The following CACNA2D3 variants were observed in gnomAD, a reference collection of about 807,000 sequenced individuals.
CACNA2D3 encodes the protein calcium voltage-gated channel auxiliary subunit alpha2delta 3.
In CACNA2D3, 60 loss-of-function variants were observed where a neutral mutation model predicts 160.6. The ratio of observed to expected loss-of-function variants is 0.37; its 90% CI spans 0.30 to 0.46. The LOEUF (loss-of-function observed/expected upper bound fraction) is 0.46, where lower values mean the gene tolerates loss of function less well. Ranked by LOEUF, CACNA2D3 falls within the 20% of genes least tolerant of loss-of-function variation. The pLI, the probability that CACNA2D3 is intolerant of heterozygous loss-of-function variation, is 1.00. For missense variants in CACNA2D3, 1,205 were observed against 1,365.0 expected (o/e 0.88, Z 1.85); for synonymous variants, 558 against 492.9 (o/e 1.13, Z -1.75).
chr3:54,846,316 A>G, intron 16 of CACNA2D3, 77 bp from the exon 17 acceptor site: 1 of 875,056 alleles, frequency 1.1e-6, no homozygotes, highest in Non-Finnish European at 1.8e-6. Flanking sequence ...AAATTACTAA[A>G]TGCCGGGCTG....
Position 54,457,608 on chromosome 3 carries a change from AT to A in CACNA2D3, c.382-45882del, listed in dbSNP as rs1317864734. 5.3e-5 allele frequency among the ~76,000 whole-genome samples: 8 copies of A among 151,892 alleles called. No individual in the cohort carries two copies. In the South Asian group the frequency reaches 1.7e-3, roughly 32 times the overall value. On this transcript the variant is annotated intron_variant, in intron 4 of 37. Coordinates refer to ENST00000474759, the MANE Select transcript of CACNA2D3 (RefSeq NM_018398.3). ...ACACAGCTTATATTGGATTTTTTTT[AT>A]TGATTTTCTGTATAGATGATCTGTC...
chr3:54,368,497 G>T (rs1238198434), intron 3 of CACNA2D3, among the ~76,000 whole-genome samples: 1 of 152,032 alleles, frequency 6.6e-6, no homozygotes, highest in Non-Finnish European at 1.5e-5. Context: ...GAGCAGGAGA[G>T]TGAGCACGGA....
At chr3:54,708,104 G>A (rs76806714) in intron 11 of CACNA2D3, among the ~76,000 whole-genome samples, 1 of 152,266 alleles carries the variant, frequency 6.6e-6, no homozygotes, top group East Asian at 1.9e-4. Context: ...AGATGTGGGA[G>A]ACATAATTTA....
chr3:54,410,705 G>C (rs967152902), intron 4 of CACNA2D3, among the ~76,000 whole-genome samples: 5 of 152,204 alleles, frequency 3.3e-5, no homozygotes, highest in Non-Finnish European at 5.9e-5. Flanking sequence ...TGCTGGGGAT[G>C]TACAAAGAGA....
At chr3:54,270,983 A>G (rs1702611753) in intron 2 of CACNA2D3, among the ~76,000 whole-genome samples, 1 of 152,248 alleles carries the variant, frequency 6.6e-6, no homozygotes, top group Non-Finnish European at 1.5e-5. Context: ...ATATAAAATC[A>G]GGAACAGTAA....
chr3:54,618,341 G>T (rs1698899800), intron 9 of CACNA2D3, among the ~76,000 whole-genome samples: 3 of 55,338 alleles, frequency 5.4e-5, no homozygotes, highest in East Asian at 6.2e-4. Flanking sequence ...TCAAATTGAT[G>T]TTGATACATA....
chr3:54,939,406 T>A (rs1701407102), intron 27 of CACNA2D3, among the ~76,000 whole-genome samples: 2 of 152,210 alleles, frequency 1.3e-5, no homozygotes, highest in South Asian at 4.1e-4. Flanking sequence ...TTTTATCTCA[T>A]CTTATTCTTC....
chr3:54,590,838 C>G (rs1702845206), intron 9 of CACNA2D3, among the ~76,000 whole-genome samples: 1 of 152,056 alleles, frequency 6.6e-6, no homozygotes, highest in African/African-American at 2.4e-5. Context: ...GTGAGAAATT[C>G]TTGAAGAGAA....
rs568606527 is a variant in CACNA2D3, at chr3:54,810,064, C to T, written c.1381-6789C>T. ...AGGTGCCATCAGAGCTGAGATCTGA[C>T]GCATGGGTAGGGAATCAGTGAGGCA... On this transcript the variant is annotated intron_variant, in intron 13 of 37. Transcript: ENST00000474759. 1.2e-4 allele frequency among the ~76,000 whole-genome samples: 18 copies of T among 152,220 alleles called. 1 individual carries two copies. The South Asian group carries it at 2.7e-3, about 23-fold the overall frequency.
intron 9 of CACNA2D3, among the ~76,000 whole-genome samples, chr3:54,599,808 C>G (rs1258013515): frequency 6.6e-6 from 1 of 152,180 alleles, no homozygotes; most frequent in Non-Finnish European, 1.5e-5. Context: ...TGCCGCGTGG[C>G]TTCACTCTGC....
At chr3:54,740,706 C>CAGA (rs1428867469) in intron 11 of CACNA2D3, among the ~76,000 whole-genome samples, 1 of 152,148 alleles carries the variant, frequency 6.6e-6, no homozygotes, top group African/African-American at 2.4e-5. Context: ...TTCTTACTGA[C>CAGA]AGAAGTCCCA....
At chr3:54,195,772 G>T (rs1340205150) in intron 2 of CACNA2D3, among the ~76,000 whole-genome samples, 1 of 152,184 alleles carries the variant, frequency 6.6e-6, no homozygotes, top group African/African-American at 2.4e-5. Flanking sequence ...TGTCCAGGCT[G>T]AGGGATGTCA....
intron 11 of CACNA2D3, among the ~76,000 whole-genome samples, chr3:54,704,817 A>C (rs542321408): frequency 1.4e-4 from 22 of 152,276 alleles, no homozygotes; most frequent in African/African-American, 5.3e-4. Flanking sequence ...TGTGCATTGC[A>C]GTTTTCCACC....
At chr3:54,851,964 T>C (rs1442279852) in intron 17 of CACNA2D3, among the ~76,000 whole-genome samples, 1 of 152,058 alleles carries the variant, frequency 6.6e-6, no homozygotes, top group Non-Finnish European at 1.5e-5. Context: ...ACAGCACAGG[T>C]CTAGAGTGTG....
intron 3 of CACNA2D3, among the ~76,000 whole-genome samples, chr3:54,360,574 C>T (rs911751345): frequency 1.3e-5 from 2 of 152,104 alleles, no homozygotes; most frequent in African/African-American, 4.8e-5. Context: ...AGCTATCAAT[C>T]GTTACCTTTG....
chr3:54,999,382 A>G (rs1010913132), intron 31 of CACNA2D3, among the ~76,000 whole-genome samples: 3 of 152,306 alleles, frequency 2.0e-5, no homozygotes, highest in Admixed American at 2.0e-4. Context: ...TTCAATTGCA[A>G]GTTGAAAGCT....
chr3:54,275,765 C>T (rs1314674470), intron 2 of CACNA2D3, among the ~76,000 whole-genome samples: 2 of 152,032 alleles, frequency 1.3e-5, no homozygotes, highest in Non-Finnish European at 2.9e-5. Flanking sequence ...TTACAGGTGC[C>T]TGCCACCACG....
intron 11 of CACNA2D3, among the ~76,000 whole-genome samples, chr3:54,673,198 C>T (rs916597642): frequency 5.3e-5 from 8 of 152,150 alleles, no homozygotes; most frequent in Non-Finnish European, 7.3e-5. Flanking sequence ...TTTAAAAATC[C>T]ATATAATGGG....
intron 9 of CACNA2D3, among the ~76,000 whole-genome samples, chr3:54,610,123 T>A (rs1335987665): frequency 6.6e-6 from 1 of 152,130 alleles, no homozygotes; most frequent in Non-Finnish European, 1.5e-5. Context: ...TGTGGCTGTG[T>A]CTCTTATAAA....
Sources: allele counts gnomAD v4.1 joint callset (sites outside exome capture counted in the v4.1 genomes callset), GRCh38; gene constraint gnomAD v4.1.1; transcripts MANE v1.5; gene names NCBI Gene and HGNC (gene_info 2026-07-23, HGNC 2026-07-21).